The following PDE12 variants were observed in gnomAD, a reference collection of about 807,000 sequenced individuals.
The protein encoded by PDE12 is phosphodiesterase 12, also known as 2',5'-phosphodiesterase 12.
Under a neutral mutation model 45.4 loss-of-function variants are expected in PDE12, and 26 were observed. The observed-to-expected ratio is 0.57, with a 90% CI of 0.42 to 0.79. PDE12 has a LOEUF of 0.79. PDE12 is among the 30% of genes least tolerant of loss of function. The pLI is 0.00. For synonymous variants in PDE12, 283 were observed against 323.9 expected (o/e 0.87, Z 1.36); for missense variants, 668 against 790.0 (o/e 0.85, Z 1.85).
the PDE12 span, among the ~76,000 whole-genome samples, chr3:57,601,233 C>T: frequency 6.6e-6 from 1 of 152,024 alleles, no homozygotes; most frequent in Admixed American, 6.6e-5. Flanking sequence ...TATCAGCCTC[C>T]GGGGTAGCTG....
In PDE12 at chr3:57,557,070, G is replaced by A; in HGVS notation, c.691G>A (p.Glu231Lys). The change falls in exon 1 of 3, where the codon GAG (glutamate) becomes AAG (lysine). Residue 231 changes from glutamate to lysine, a missense_variant. By Grantham distance (56) the Glu-to-Lys change is moderately conservative. Around this residue, in one of 3 missense-constraint regions of PDE12, gnomAD observed 580 missense variants for 662.9 expected, o/e 0.87. Transcript: ENST00000311180. Reference protein sequence around the residue: ...PSSSWTETDVEERVYTPSNAD... With the variant: ...PSSSWTETDVKERVYTPSNAD... ...TTCTTCTTGGACTGAGACTGATGTGGAGGAGCGTGTCTACACCCCGTCCAA... is the reference window on the plus strand; with the variant it reads ...TTCTTCTTGGACTGAGACTGATGTGAAGGAGCGTGTCTACACCCCGTCCAA... 1 of 1,614,060 alleles carries A rather than the reference G, an allele frequency of 6.2e-7. No homozygotes were observed. The highest frequency in any genetic ancestry group is 8.5e-7 in the Non-Finnish European group (1 of 1,180,026).
the PDE12 span, among the ~76,000 whole-genome samples, chr3:57,598,405 T>C: frequency 2.0e-5 from 3 of 152,202 alleles, no homozygotes; most frequent in Admixed American, 1.3e-4. Flanking sequence ...GAAGGCTTGC[T>C]GAGTAACGCT....
the PDE12 span, among the ~76,000 whole-genome samples, chr3:57,605,019 AG>A: frequency 6.6e-6 from 1 of 152,154 alleles, no homozygotes; most frequent in Non-Finnish European, 1.5e-5. Context: ...TAAAATAAAA[AG>A]AAACAAACTA....
chr3:57,635,638 C>A, the PDE12 span, among the ~76,000 whole-genome samples: 1 of 152,110 alleles, frequency 6.6e-6, no homozygotes, highest in East Asian at 1.9e-4. Flanking sequence ...TTACATAGAT[C>A]AAACTGCTAA....
the PDE12 span, among the ~76,000 whole-genome samples, chr3:57,605,109 C>T: frequency 1.0e-3 from 156 of 152,226 alleles, no homozygotes; most frequent in African/African-American, 3.5e-3. Context: ...AAAGAGAAGG[C>T]ACAAATGCAG....
At chr3:57,654,027 A>C in the PDE12 span, among the ~76,000 whole-genome samples, 2 of 137,398 alleles carry the variant, frequency 1.5e-5, no homozygotes, top group African/African-American at 2.8e-5. Flanking sequence ...AGCTCACTGC[A>C]AGCTCCACCT....
chr3:57,635,130 C>CT, the PDE12 span, among the ~76,000 whole-genome samples: 1 of 152,166 alleles, frequency 6.6e-6, no homozygotes, highest in African/African-American at 2.4e-5. Context: ...ATAAAATACC[C>CT]TTTAAGTATA....
the PDE12 span, chr3:57,625,315 C>G: frequency 6.6e-6 from 1 of 152,238 alleles, no homozygotes; most frequent in Admixed American, 6.5e-5. Flanking sequence ...GTGAAGTACA[C>G]AGGGTTTTCA....
At chr3:57,594,693 A>C in the PDE12 span, among the ~76,000 whole-genome samples, 1 of 152,220 alleles carries the variant, frequency 6.6e-6, no homozygotes, top group Non-Finnish European at 1.5e-5. Flanking sequence ...AGTCTGAATA[A>C]AACACTGACT....
In PDE12 at chr3:57,565,249, A is replaced by G. The variant is rs2069773236; in HGVS notation, c.*5245A>G. The G allele has an allele frequency of 6.6e-6, 1 of 152,174 alleles. No individual in the cohort carries two copies. Among genetic ancestry groups the G allele is most frequent in the African/African-American group, 2.4e-5 (1 of 41,426 alleles). The allele number at this position is 152,174 out of a possible 1,614,324, so 9.4% of individuals were successfully genotyped here. On this transcript the variant is annotated 3_prime_UTR_variant, in exon 3 of 3. Coordinates refer to ENST00000311180, the MANE Select transcript of PDE12 (RefSeq NM_177966.7). The stretch of plus-strand genomic sequence containing the variant: ...AATGACTCTCCCGCTTCAGCCTCCC[A>G]AAGTACTGGGATTATAGGTGTGAGC...
the PDE12 span, among the ~76,000 whole-genome samples, chr3:57,629,771 C>T: frequency 1.3e-5 from 2 of 151,888 alleles, no homozygotes; most frequent in African/African-American, 4.8e-5. Context: ...ATCCACCCAC[C>T]TCAGCCTCCC....
At chr3:57,588,277 T>C in the PDE12 span, among the ~76,000 whole-genome samples, 1 of 152,176 alleles carries the variant, frequency 6.6e-6, no homozygotes, top group Non-Finnish European at 1.5e-5. Context: ...ACCTCAGAAA[T>C]CTTTGCTGGC....
At chr3:57,572,468 C>T in the PDE12 span, among the ~76,000 whole-genome samples, 27 of 152,178 alleles carry the variant, frequency 1.8e-4, no homozygotes, top group African/African-American at 5.3e-4. Flanking sequence ...ACCTATAAAT[C>T]CCAGCACTTT....
At chr3:57,643,704 G>A in the PDE12 span, among the ~76,000 whole-genome samples, 1 of 151,776 alleles carries the variant, frequency 6.6e-6, no homozygotes, top group Non-Finnish European at 1.5e-5. Flanking sequence ...GTGCATGCCT[G>A]TAATCCCAGC....
the PDE12 span, chr3:57,634,462 T>A: frequency 9.3e-6 from 5 of 536,108 alleles, no homozygotes; most frequent in African/African-American, 2.0e-5. Context: ...GGAGAGATCC[T>A]ATTTCACATT....
At chr3:57,575,705 C>G in the PDE12 span, 2 of 1,572,838 alleles carry the variant, frequency 1.3e-6, no homozygotes, top group East Asian at 4.6e-5. Flanking sequence ...TTAACAACTA[C>G]CAACCGGAAT....
the PDE12 span, among the ~76,000 whole-genome samples, chr3:57,653,563 G>A: frequency 1.3e-5 from 2 of 151,612 alleles, no homozygotes; most frequent in Non-Finnish European, 2.9e-5. Context: ...GGCTAACAAC[G>A]GTGAAACCCC....
At chr3:57,609,861 G>T in the PDE12 span, among the ~76,000 whole-genome samples, 1 of 152,140 alleles carries the variant, frequency 6.6e-6, no homozygotes, top group African/African-American at 2.4e-5. Context: ...AGAAAAAGAG[G>T]GAATCCTCCA....
the PDE12 span, chr3:57,628,934 A>G: frequency 6.5e-7 from 1 of 1,531,956 alleles, no homozygotes; most frequent in African/African-American, 1.4e-5. Flanking sequence ...ATAATATTCA[A>G]ACCTCTCTAT....
Sources: allele counts gnomAD v4.1 joint callset (sites outside exome capture counted in the v4.1 genomes callset), GRCh38; gene constraint gnomAD v4.1.1; regional missense constraint gnomAD v4.1.1; transcripts MANE v1.5; gene names NCBI Gene and HGNC (gene_info 2026-07-23, HGNC 2026-07-21).